The following UPF3A variants were observed in gnomAD, a reference collection of about 807,000 sequenced individuals.
The protein encoded by UPF3A is UPF3A regulator of nonsense mediated mRNA decay.
Under a neutral mutation model 53.5 loss-of-function variants are expected in UPF3A, and 42 were observed. The observed-to-expected ratio is 0.78, with a 90% CI of 0.61 to 1.01. UPF3A has a LOEUF of 1.01. Among genes scored for constraint, UPF3A ranks in the 50% least tolerant of loss-of-function variants. The pLI is 0.00. For missense variants in UPF3A, 575 were observed against 598.0 expected, an observed-to-expected ratio of 0.96 and a Z score of 0.40; for synonymous variants, 237 against 225.3, an observed-to-expected ratio of 1.05 and a Z score of -0.47.
At chr13:114,283,812 G>A in intron 3 of UPF3A, 2 of 985,494 alleles carry the variant, frequency 2.0e-6, no homozygotes, top group African/African-American at 1.7e-5. Context: ...GTTCCTGGCT[G>A]TCAAGTTTGT....
At chr13:114,300,825 C>T (rs1444934100) in intron 8 of UPF3A, among the ~76,000 whole-genome samples, 3 of 151,650 alleles carry the variant, frequency 2.0e-5, no homozygotes, top group Non-Finnish European at 4.4e-5. Context: ...AGGTGTGAGC[C>T]GCTGTGCCTG....
intron 7 of UPF3A, among the ~76,000 whole-genome samples, chr13:114,296,413 G>A (rs1039946363): frequency 1.7e-4 from 26 of 152,058 alleles, no homozygotes; most frequent in Non-Finnish European, 2.4e-4. Context: ...CGGGCCTTCC[G>A]GGTTGGTGAG....
chr13:114,288,458 C>T (rs2139197429), intron 5 of UPF3A, among the ~76,000 whole-genome samples: 1 of 152,324 alleles, frequency 6.6e-6, no homozygotes, highest in Middle Eastern at 3.4e-3. Flanking sequence ...GCGCCAGGGG[C>T]AGGGCCGGCT....
At chr13:114,298,298 G>A (rs987087218) in intron 7 of UPF3A, among the ~76,000 whole-genome samples, 3 of 151,908 alleles carry the variant, frequency 2.0e-5, no homozygotes, top group Non-Finnish European at 4.4e-5. Flanking sequence ...ACTTGAACCC[G>A]GGAGGAGGAG....
At chr13:114,289,108 G>A (rs1282972870) in intron 5 of UPF3A, among the ~76,000 whole-genome samples, 2 of 152,096 alleles carry the variant, frequency 1.3e-5, no homozygotes, top group Non-Finnish European at 1.5e-5. Context: ...CTTCACAAAA[G>A]TTGGCTGAAT....
chr13:114,282,366 G>T, intron 2 of UPF3A: 1 of 1,114,526 alleles, frequency 9.0e-7, no homozygotes, highest in Non-Finnish European at 1.2e-6. Context: ...CTAACGCTTA[G>T]GAAAGCGGGT....
At position 114,301,980 on chromosome 13, in the gene UPF3A, G is replaced by A. The variant is rs369528371; in HGVS notation, c.1257G>A (p.Arg419=). 265 of 1,577,382 alleles carry A rather than the reference G, an allele frequency of 1.7e-4. No individual in the cohort carries two copies. The highest frequency in any genetic ancestry group is 2.2e-4 in the Non-Finnish European group (257 of 1,161,948). The part of the protein sequence containing the change: ...EAMERLGRAQ[R]CDDSPAPRKE... ...TGGAGAGACTGGGAAGAGCGCAGAG[G>A]TGTGACGACAGTCCAGCACCCAGAA... The change falls in exon 9 of 10, where the codon AGG becomes AGA. Residue 419 remains arginine (R), a synonymous_variant. Coordinates refer to ENST00000375299, the MANE Select transcript of UPF3A (RefSeq NM_023011.4).
chr13:114,291,587 C>A, intron 6 of UPF3A, 43 bp downstream of exon 6: 1 of 1,603,822 alleles, frequency 6.2e-7, no homozygotes, highest in Non-Finnish European at 8.5e-7. Flanking sequence ...CCTGCTTCTG[C>A]CATTCTCATC....
intron 5 of UPF3A, 174 bp downstream of exon 5, chr13:114,286,803 A>C: frequency 1.6e-6 from 1 of 614,040 alleles, no homozygotes; most frequent in Non-Finnish European, 2.9e-6. Context: ...CAGCATGGGA[A>C]AATATTTCTG....
chr13:114,290,375 C>A (rs986366630), intron 5 of UPF3A, among the ~76,000 whole-genome samples: 8 of 152,288 alleles, frequency 5.3e-5, no homozygotes, highest in Non-Finnish European at 1.2e-4. Context: ...CATTCCTGGT[C>A]CTCAGAATTC....
intron 4 of UPF3A, 50 bp from the exon 5 acceptor site, chr13:114,286,469 C>T (rs113202263): frequency 3.5e-5 from 56 of 1,610,660 alleles, no homozygotes; most frequent in Middle Eastern, 3.3e-4. Flanking sequence ...GTAATTCTCC[C>T]GTAGTTGGGA....
chr13:114,295,045 G>A (rs1430857002), intron 7 of UPF3A, among the ~76,000 whole-genome samples: 2 of 150,402 alleles, frequency 1.3e-5, no homozygotes, highest in African/African-American at 4.9e-5. Flanking sequence ...CCGGGAGGCG[G>A]AGCTTGCAGT....
intron 5 of UPF3A, among the ~76,000 whole-genome samples, chr13:114,288,275 G>A (rs1288945311): frequency 6.6e-6 from 1 of 152,224 alleles, no homozygotes; most frequent in African/African-American, 2.4e-5. Flanking sequence ...TCCAACCAGG[G>A]CACCTCAGTG....
intron 3 of UPF3A, 41 bp downstream of exon 3, chr13:114,282,984 G>C: frequency 1.5e-6 from 2 of 1,347,228 alleles, no homozygotes; most frequent in Non-Finnish European, 2.1e-6. Flanking sequence ...TAATCTGTAG[G>C]TATACTAATG....
At chr13:114,295,568 G>T (rs534597641) in intron 7 of UPF3A, among the ~76,000 whole-genome samples, 33 of 152,368 alleles carry the variant, frequency 2.2e-4, no homozygotes, top group African/African-American at 7.5e-4. Context: ...TGGCTCTGCA[G>T]AGAGCCCTCC....
intron 5 of UPF3A, among the ~76,000 whole-genome samples, chr13:114,289,396 C>T (rs574972297): frequency 9.9e-5 from 15 of 152,012 alleles, no homozygotes; most frequent in East Asian, 3.9e-4. Flanking sequence ...TGGTAGCATG[C>T]GCCTGTAGTC....
In UPF3A at chr13:114,281,848, TG is replaced by T; in HGVS notation, c.207+6del. ...GAGAAGAGGACGGCCCTGAGCAAGG[TG>T]GGGACGGGGGCGGGGCGCGCAAACC... is the stretch of plus-strand genomic sequence containing the variant. On this transcript the variant is annotated splice_donor_region_variant and intron_variant, in intron 1 of 9. Coordinates refer to ENST00000375299, the MANE Select transcript of UPF3A (RefSeq NM_023011.4). 2 of 1,370,596 alleles carry T rather than the reference TG, an allele frequency of 1.5e-6. No individual in the cohort carries two copies. Among genetic ancestry groups the T allele is most frequent in the African/African-American group, 1.7e-5 (1 of 59,482 alleles). 84.9% of individuals were successfully genotyped at this position (1,370,596 alleles called of 1,614,324 possible). A position where few individuals can be genotyped will look rare whatever the true frequency, so the allele number is the denominator to read the frequency against.
chr13:114,293,489 C>T (rs2085521901), intron 7 of UPF3A, among the ~76,000 whole-genome samples: 1 of 152,134 alleles, frequency 6.6e-6, no homozygotes, highest in African/African-American at 2.4e-5. Context: ...ATTTCTTTGG[C>T]AGTAGCACTA....
At chr13:114,288,744 C>T (rs1482106407) in intron 5 of UPF3A, among the ~76,000 whole-genome samples, 1 of 151,976 alleles carries the variant, frequency 6.6e-6, no homozygotes, top group Non-Finnish European at 1.5e-5. Flanking sequence ...GGTAAGGGGA[C>T]AGGAAGAATT....
Sources: gnomAD v4.1 joint callset for allele counts (sites outside exome capture counted in the v4.1 genomes callset) on GRCh38, gnomAD v4.1.1 for gene constraint, MANE v1.5 for transcripts, NCBI Gene and HGNC (gene_info 2026-07-23, HGNC 2026-07-21) for gene names.